Variants in NDRG3 observed in about 807,000 individuals in gnomAD.
The protein encoded by NDRG3 is protein NDRG3.
Under a neutral mutation model 57.2 loss-of-function variants are expected in NDRG3, and 23 were observed. The ratio of observed to expected loss-of-function variants is 0.40; its 90% CI spans 0.29 to 0.57. The LOEUF is 0.57. Among genes scored for constraint, NDRG3 ranks in the 20% least tolerant of loss-of-function variants. The probability of loss-of-function intolerance (pLI) is 0.42; values close to 1 mark genes in which losing one functional copy is unlikely to be tolerated. For synonymous variants in NDRG3, 132 were observed against 162.6 expected (o/e 0.81, Z 1.43); for missense variants, 384 against 457.3 (o/e 0.84, Z 1.46).
At chr20:36,705,839 G>A (rs1983521113) in intron 3 of NDRG3, among the ~76,000 whole-genome samples, 1 of 152,084 alleles carries the variant, frequency 6.6e-6, no homozygotes, top group East Asian at 1.9e-4. Context: ...CTGCCTCCCA[G>A]GTTCAAGCAA....
At chr20:36,670,000 AT>A (rs1252646138) in intron 9 of NDRG3, among the ~76,000 whole-genome samples, 2 of 152,248 alleles carry the variant, frequency 1.3e-5, no homozygotes, top group East Asian at 3.8e-4. Context: ...TCAAGACAGT[AT>A]GTTAAGCAAA....
chr20:36,702,680 T>A (rs11697649), intron 3 of NDRG3, among the ~76,000 whole-genome samples: 2,624 of 151,622 alleles, frequency 0.017, 27 homozygotes, highest in Non-Finnish European at 0.025. Flanking sequence ...CCTGCCACCA[T>A]GCCCAGCTAA....
intron 2 of NDRG3, among the ~76,000 whole-genome samples, chr20:36,712,387 CTTTTTCTTTTTT>C (rs1202036327): frequency 4.6e-4 from 63 of 137,792 alleles, no homozygotes; most frequent in African/African-American, 1.6e-3. Flanking sequence ...GTTTCTTTTT[CTTTTTCTTTTTT>C]TTTTTTTTTT....
intron 2 of NDRG3, among the ~76,000 whole-genome samples, chr20:36,717,589 T>G (rs1225603345): frequency 6.6e-6 from 1 of 152,230 alleles, no homozygotes; most frequent in Non-Finnish European, 1.5e-5. Flanking sequence ...CAAACCAGCC[T>G]TTCATTCGGA....
chr20:36,682,452 C>T, intron 7 of NDRG3, 66 bp downstream of exon 7: 2 of 1,298,152 alleles, frequency 1.5e-6, no homozygotes, highest in Admixed American at 3.6e-5. Context: ...TCATTTAACA[C>T]AGCAGTAATA....
At chr20:36,724,000 C>T (rs1407013016) in intron 1 of NDRG3, among the ~76,000 whole-genome samples, 1 of 152,144 alleles carries the variant, frequency 6.6e-6, no homozygotes, top group African/African-American at 2.4e-5. Flanking sequence ...AGCCACTGCG[C>T]CCGGCCTAGT....
At chr20:36,712,587 ATTTTTTTTTTTTTT>A (rs71186015) in intron 2 of NDRG3, among the ~76,000 whole-genome samples, 1 of 5,912 alleles carries the variant, frequency 1.7e-4, no homozygotes, top group Non-Finnish European at 3.1e-4. Flanking sequence ...ATATATATAT[ATTTTTTTTTTTTTT>A]TTTTTTTTTT....
chr20:36,716,190 T>A (rs1309952857), intron 2 of NDRG3, among the ~76,000 whole-genome samples: 1 of 152,038 alleles, frequency 6.6e-6, no homozygotes, highest in Non-Finnish European at 1.5e-5. Context: ...CCTCCTCTGC[T>A]TACATGTTGT....
At chr20:36,656,077 T>C (rs1478437970) in intron 15 of NDRG3, among the ~76,000 whole-genome samples, 2 of 138,666 alleles carry the variant, frequency 1.4e-5, no homozygotes, top group Non-Finnish European at 3.0e-5. Flanking sequence ...GAGGTTGCAG[T>C]GAGCTGAGAT....
At chr20:36,711,210 C>T (rs1224857192) in intron 2 of NDRG3, among the ~76,000 whole-genome samples, 3 of 147,776 alleles carry the variant, frequency 2.0e-5, no homozygotes, top group East Asian at 2.0e-4. Context: ...ACCCGGGAGG[C>T]GGAGCTTGCA....
intron 1 of NDRG3, among the ~76,000 whole-genome samples, chr20:36,743,290 T>G (rs561430654): frequency 6.6e-6 from 1 of 150,994 alleles, no homozygotes; most frequent in East Asian, 2.0e-4. Flanking sequence ...GGTCAGGAAT[T>G]CAAGACCAGC....
chr20:36,682,575 C>G lies in NDRG3; in HGVS notation c.387G>C (p.Leu129=). The G allele has an allele frequency of 6.2e-7, 1 of 1,613,886 alleles. No individual in the cohort carries two copies. Among genetic ancestry groups the G allele is most frequent in the South Asian group, 1.1e-5 (1 of 91,046 alleles). Residue 129 remains leucine (L), a synonymous_variant, in exon 7 of 16, where the codon CTG becomes CTC. Coordinates refer to ENST00000349004, the MANE Select transcript of NDRG3 (RefSeq NM_032013.4). ...MLPPVLTHLS[L]KSIIGIGVGA... Reference sequence around the variant, plus strand: ...CAACTCCAATTCCAATGATGCTTTTCAGGCTGTGAATGGGACATAACGACA... The same window carrying G: ...CAACTCCAATTCCAATGATGCTTTTGAGGCTGTGAATGGGACATAACGACA...
chr20:36,739,650 C>CGGT (rs1401843667), intron 1 of NDRG3, among the ~76,000 whole-genome samples: 2 of 151,478 alleles, frequency 1.3e-5, no homozygotes, highest in African/African-American at 4.8e-5. Context: ...GGCCGGGCGC[C>CGGT]GGTGGCTCAC....
In NDRG3 at chr20:36,689,717, A is replaced by ATT. The variant is rs11366908; in HGVS notation, c.94-935_94-934dup. Among the ~76,000 whole-genome samples the ATT allele has an allele frequency of 4.1e-5, 4 of 97,212 alleles. No individual in the cohort carries two copies. The East Asian group carries it at 8.3e-4, about 20-fold the overall frequency. The allele number at this position is 97,212 out of a possible 152,430, so 63.8% of individuals were successfully genotyped here. A position where few individuals can be genotyped will look rare whatever the true frequency, so the allele number is the denominator to read the frequency against. On this transcript the variant is annotated intron_variant, in intron 3 of 15. Coordinates refer to ENST00000349004, the MANE Select transcript of NDRG3 (RefSeq NM_032013.4). ...AGCACCTTTCCCTTGGAACTAAGAG[A>ATT]TTTTTTTTTTTTTTTTTTTTTGAGA... is the stretch of plus-strand genomic sequence containing the variant.
intron 7 of NDRG3, among the ~76,000 whole-genome samples, chr20:36,681,609 C>T (rs1299633232): frequency 7.2e-6 from 1 of 139,734 alleles, no homozygotes; most frequent in Non-Finnish European, 1.5e-5. Flanking sequence ...GCACTCCAGC[C>T]TGGGCGACAC....
intron 1 of NDRG3, among the ~76,000 whole-genome samples, chr20:36,729,107 A>G (rs1985123846): frequency 6.6e-6 from 1 of 152,166 alleles, no homozygotes; most frequent in African/African-American, 2.4e-5. Context: ...TAGGACCCTG[A>G]GCAAGTTTTT....
At chr20:36,692,841 A>G (rs1478287448) in intron 3 of NDRG3, among the ~76,000 whole-genome samples, 1 of 151,384 alleles carries the variant, frequency 6.6e-6, no homozygotes, top group Non-Finnish European at 1.5e-5. Flanking sequence ...TGGGAGGCTG[A>G]GGTGAGAGGA....
intron 7 of NDRG3, 47 bp downstream of exon 7, chr20:36,682,471 C>T: frequency 6.7e-7 from 1 of 1,502,948 alleles, no homozygotes; most frequent in Admixed American, 1.7e-5. Context: ...TAGCTGTGAC[C>T]CAGGCACTGC....
At chr20:36,705,493 A>C (rs1475812492) in intron 3 of NDRG3, among the ~76,000 whole-genome samples, 1 of 152,128 alleles carries the variant, frequency 6.6e-6, no homozygotes, top group Non-Finnish European at 1.5e-5. Flanking sequence ...TAATGCTTAG[A>C]GATTCCACTG....
Sources: allele counts gnomAD v4.1 joint callset (sites outside exome capture counted in the v4.1 genomes callset), GRCh38; gene constraint gnomAD v4.1.1; transcripts MANE v1.5; gene names NCBI Gene and HGNC (gene_info 2026-07-23, HGNC 2026-07-21).